Variants in OPCML observed in about 807,000 individuals in gnomAD.
OPCML encodes opioid binding protein/cell adhesion molecule like.
Under a neutral mutation model 37.8 loss-of-function variants are expected in OPCML, and 13 were observed. The ratio of observed to expected loss-of-function variants is 0.34; its 90% CI spans 0.22 to 0.55. OPCML has a LOEUF of 0.55. Ranked by LOEUF, OPCML falls within the 20% of genes least tolerant of loss-of-function variation. The pLI, the probability that OPCML is intolerant of heterozygous loss-of-function variation, is 0.91. For synonymous variants in OPCML, 176 were observed against 168.8 expected, an observed-to-expected ratio of 1.04 and a Z score of -0.33; for missense variants, 341 against 435.6, an observed-to-expected ratio of 0.78 and a Z score of 1.93.
intron 2 of OPCML, among the ~76,000 whole-genome samples, chr11:132,936,939 A>G (rs1945398121): frequency 6.6e-6 from 1 of 152,170 alleles, no homozygotes; most frequent in East Asian, 1.9e-4. Flanking sequence ...GCTGTCTTGT[A>G]TATGTTAAAA....
At chr11:133,431,217 G>A (rs912812276) in intron 1 of OPCML, among the ~76,000 whole-genome samples, 4 of 152,070 alleles carry the variant, frequency 2.6e-5, no homozygotes, top group Non-Finnish European at 4.4e-5. Flanking sequence ...AAAATCATTC[G>A]CTAAATCCTA....
At chr11:132,526,936 A>G (rs2096310089) in intron 4 of OPCML, among the ~76,000 whole-genome samples, 1 of 152,036 alleles carries the variant, frequency 6.6e-6, no homozygotes, top group Non-Finnish European at 1.5e-5. Flanking sequence ...CTGCCATTCT[A>G]GATTAGTTTT....
chr11:133,222,364 A>G (rs1939873436), intron 1 of OPCML, among the ~76,000 whole-genome samples: 1 of 152,230 alleles, frequency 6.6e-6, no homozygotes, highest in Admixed American at 6.5e-5. Flanking sequence ...GTGGTGGCAG[A>G]GGTTATGGGG....
intron 1 of OPCML, among the ~76,000 whole-genome samples, chr11:133,080,264 G>A (rs148111178): frequency 1.8e-4 from 27 of 152,142 alleles, no homozygotes; most frequent in African/African-American, 5.3e-4. Context: ...TCACCCATGC[G>A]GTCTTGTGAG....
intron 1 of OPCML, among the ~76,000 whole-genome samples, chr11:133,017,233 T>C (rs1006100261): frequency 3.3e-5 from 5 of 152,254 alleles, no homozygotes; most frequent in African/African-American, 1.2e-4. Flanking sequence ...CCTCACAACT[T>C]AATCACCTCC....
chr11:133,204,169 A>G (rs1938933415), intron 1 of OPCML, among the ~76,000 whole-genome samples: 1 of 152,126 alleles, frequency 6.6e-6, no homozygotes, highest in South Asian at 2.1e-4. Context: ...TGCAAAATAC[A>G]TATTCTGAAA....
chr11:132,948,668 G>C (rs1355991608), intron 1 of OPCML, among the ~76,000 whole-genome samples: 1 of 152,060 alleles, frequency 6.6e-6, no homozygotes, highest in East Asian at 1.9e-4. Context: ...ATAAAATACA[G>C]AACATAAAAA....
intron 3 of OPCML, among the ~76,000 whole-genome samples, chr11:132,534,947 A>G (rs183476117): frequency 5.9e-5 from 9 of 151,828 alleles, no homozygotes; most frequent in Admixed American, 2.0e-4. Context: ...CCTAAATCTT[A>G]GTTTCCAACT....
At chr11:133,285,238 A>T (rs1299573175) in intron 1 of OPCML, among the ~76,000 whole-genome samples, 3 of 152,216 alleles carry the variant, frequency 2.0e-5, no homozygotes, top group Non-Finnish European at 4.4e-5. Flanking sequence ...GAGGAGGGAC[A>T]TGCAGTGAGC....
At chr11:132,699,773 T>C (rs1030864604) in intron 2 of OPCML, among the ~76,000 whole-genome samples, 1 of 152,090 alleles carries the variant, frequency 6.6e-6, no homozygotes, top group African/African-American at 2.4e-5. Flanking sequence ...GATTTATGCA[T>C]TTATATTTAT....
intron 1 of OPCML, among the ~76,000 whole-genome samples, chr11:132,948,932 T>C (rs192554722): frequency 6.6e-6 from 1 of 152,336 alleles, no homozygotes. Flanking sequence ...TGCAAAGTTG[T>C]ATCCCGATTA....
At chr11:132,462,281 G>GCT (rs1555127725) in intron 4 of OPCML, among the ~76,000 whole-genome samples, 1 of 152,156 alleles carries the variant, frequency 6.6e-6, no homozygotes, top group Non-Finnish European at 1.5e-5. Flanking sequence ...TGTGTTGACT[G>GCT]TGTAAGAGAA....
At chr11:132,852,976 T>A (rs1941884493) in intron 2 of OPCML, among the ~76,000 whole-genome samples, 1 of 152,100 alleles carries the variant, frequency 6.6e-6, no homozygotes, top group African/African-American at 2.4e-5. Context: ...ATTTTCTTTC[T>A]GGTCCTTACA....
At chr11:133,179,963 C>A (rs922971899) in intron 1 of OPCML, among the ~76,000 whole-genome samples, 1 of 152,100 alleles carries the variant, frequency 6.6e-6, no homozygotes, top group Admixed American at 6.5e-5. Flanking sequence ...GATGGAAGCC[C>A]TGGAATAACA....
chr11:133,246,471 AC>A (rs775334583), intron 1 of OPCML, among the ~76,000 whole-genome samples: 5 of 152,220 alleles, frequency 3.3e-5, no homozygotes, highest in Admixed American at 6.5e-5. Context: ...GAGCAGTTTT[AC>A]AGGTGGCAAG....
At chr11:133,470,129 C>A (rs1023144309) in intron 1 of OPCML, among the ~76,000 whole-genome samples, 2 of 152,146 alleles carry the variant, frequency 1.3e-5, no homozygotes, top group Admixed American at 6.5e-5. Context: ...AAGGGGAAAC[C>A]ATCATCAGGG....
intron 1 of OPCML, among the ~76,000 whole-genome samples, chr11:133,089,157 A>G (rs939677483): frequency 7.2e-5 from 11 of 152,222 alleles, no homozygotes; most frequent in African/African-American, 1.2e-4. Context: ...TTCTGATAAT[A>G]GTAAGTGAGC....
At chr11:132,544,598 C>G (rs761505863) in intron 3 of OPCML, among the ~76,000 whole-genome samples, 1 of 152,118 alleles carries the variant, frequency 6.6e-6, no homozygotes, top group African/African-American at 2.4e-5. Context: ...GTGTCACCAG[C>G]CCAGAAAATA....
intron 1 of OPCML, chr11:133,422,874 G>A: frequency 1.0e-6 from 1 of 954,348 alleles, no homozygotes; most frequent in Non-Finnish European, 1.2e-6. Context: ...TAAGAAATCT[G>A]AGGCTTAGGA....
Sources: allele counts gnomAD v4.1 joint callset (sites outside exome capture counted in the v4.1 genomes callset), GRCh38; gene constraint gnomAD v4.1.1; transcripts MANE v1.5; gene names NCBI Gene and HGNC (gene_info 2026-07-23, HGNC 2026-07-21).